The following ASIC5 variants were observed in gnomAD, a reference collection of about 807,000 sequenced individuals.
ASIC5 encodes the protein acid sensing ion channel subunit family member 5, also known as bile acid-sensitive ion channel.
ASIC5 carries 52 observed loss-of-function variants against 51.2 expected under a neutral mutation model. That is an observed-to-expected ratio of 1.02 (90% confidence interval 0.81 to 1.28). ASIC5 has a LOEUF of 1.28. Among genes scored for constraint, ASIC5 ranks in the 50% most tolerant of loss-of-function variants. The pLI, the probability that ASIC5 is intolerant of heterozygous loss-of-function variation, is 0.00. For missense variants in ASIC5, 635 were observed against 595.0 expected, an observed-to-expected ratio of 1.07 and a Z score of -0.70; for synonymous variants, 231 against 200.7, an observed-to-expected ratio of 1.15 and a Z score of -1.28.
At chr4:155,864,750 A>C (rs1741817960) in intron 1 of ASIC5, 1 of 152,194 alleles carries the variant, frequency 6.6e-6, no homozygotes, top group Admixed American at 6.6e-5. Context: ...CACATTATCT[A>C]GATCATAATA....
At chr4:155,831,006 C>T (rs1200088536) in intron 9 of ASIC5, among the ~76,000 whole-genome samples, 1 of 152,174 alleles carries the variant, frequency 6.6e-6, no homozygotes, top group Non-Finnish European at 1.5e-5. Flanking sequence ...TCACTTTTGC[C>T]TGAGTCTAAG....
In ASIC5 at chr4:155,842,208, A is replaced by G; in HGVS notation, c.1008T>C (p.Pro336=). 1 of 1,613,156 alleles carries G rather than the reference A, an allele frequency of 6.2e-7. No individual in the cohort carries two copies. The highest frequency in any genetic ancestry group is 8.5e-7 in the Non-Finnish European group (1 of 1,179,412). The change falls in exon 6 of 10, where the codon CCT becomes CCC. Residue 336 remains proline (P), a splice_region_variant and synonymous_variant. Transcript: ENST00000537611. ...KQCGCVPFLL[P]GYGIECDLQK... The stretch of plus-strand genomic sequence containing the variant: ...AGGGGGCAGTTAGTCTTTATTTACC[A>G]GGAAGAAGAAAAGGCACACATCCAC...
chr4:155,832,341 T>A (rs565501335), intron 8 of ASIC5, among the ~76,000 whole-genome samples: 1 of 152,300 alleles, frequency 6.6e-6, no homozygotes, highest in South Asian at 2.1e-4. Flanking sequence ...AGAGTTGCAG[T>A]GAGGCAAAAT....
At chr4:155,835,412 GAAAAA>G (rs11304781) in intron 8 of ASIC5, among the ~76,000 whole-genome samples, 1 of 139,144 alleles carries the variant, frequency 7.2e-6, no homozygotes, top group Non-Finnish European at 1.6e-5. Context: ...CTGAGTTTTG[GAAAAA>G]AAAAAAAAAA....
chr4:155,852,388 C>CA, intron 3 of ASIC5, 72 bp from the exon 4 acceptor site: 2 of 1,399,660 alleles, frequency 1.4e-6, no homozygotes, highest in Non-Finnish European at 1.9e-6. Flanking sequence ...TTGCCATAAC[C>CA]TTTTTTTTTA....
At chr4:155,844,884 C>T (rs1000986268) in intron 4 of ASIC5, among the ~76,000 whole-genome samples, 1 of 151,882 alleles carries the variant, frequency 6.6e-6, no homozygotes, top group Admixed American at 6.6e-5. Flanking sequence ...AGGAGCCAAC[C>T]CCTGCTGCAT....
At chr4:155,859,219 A>T (rs1741629511) in intron 2 of ASIC5, among the ~76,000 whole-genome samples, 1 of 152,228 alleles carries the variant, frequency 6.6e-6, no homozygotes, top group African/African-American at 2.4e-5. Flanking sequence ...AACAGATTTT[A>T]AAAACTTTAA....
intron 8 of ASIC5, among the ~76,000 whole-genome samples, chr4:155,833,021 A>G (rs1370925563): frequency 6.6e-6 from 1 of 152,202 alleles, no homozygotes; most frequent in Non-Finnish European, 1.5e-5. Context: ...ACTTAATGCC[A>G]TCTGACATGA....
In ASIC5 at chr4:155,840,837, A is replaced by G. The variant is rs926758147; in HGVS notation, c.1009+1370T>C. Among the ~76,000 whole-genome samples the G allele has an allele frequency of 2.0e-5, 3 of 152,206 alleles. No homozygotes were observed. The East Asian group carries it at 5.8e-4, about 29-fold the overall frequency. On this transcript the variant is annotated intron_variant, in intron 6 of 9. Coordinates refer to ENST00000537611, the MANE Select transcript of ASIC5 (RefSeq NM_017419.3). ...TGATAACATTACTATTGTAAAAGCT[A>G]AGATCAGTGCTTGAGATATGTTGCA...
In ASIC5 at chr4:155,835,805, G is replaced by A. The variant is rs150849134; in HGVS notation, c.1235+884C>T. On this transcript the variant is annotated intron_variant, in intron 8 of 9. Coordinates refer to ENST00000537611, the MANE Select transcript of ASIC5 (RefSeq NM_017419.3). ...TTTTTCTTTCTGTAAAGATCACTTT[G>A]TTACCTCAGCGTTTACATGGGAATT... Among the ~76,000 whole-genome samples, 503 of 152,166 alleles carry A rather than the reference G, an allele frequency of 3.3e-3. 1 individual carries two copies. The highest frequency in any genetic ancestry group is 3.5e-3 in the Non-Finnish European group (238 of 67,998).
intron 4 of ASIC5, among the ~76,000 whole-genome samples, chr4:155,845,031 A>G (rs1353314160): frequency 6.6e-6 from 1 of 152,030 alleles, no homozygotes; most frequent in Non-Finnish European, 1.5e-5. Flanking sequence ...GGTCAAATCC[A>G]AAGGGGAACT....
intron 4 of ASIC5, among the ~76,000 whole-genome samples, chr4:155,849,252 C>T (rs966640936): frequency 3.3e-5 from 5 of 152,004 alleles, no homozygotes; most frequent in African/African-American, 1.2e-4. Flanking sequence ...CACTTTCTGA[C>T]AGGCCCAGAA....
intron 8 of ASIC5, among the ~76,000 whole-genome samples, chr4:155,835,437 A>C (rs906474552): frequency 2.6e-5 from 4 of 151,778 alleles, no homozygotes; most frequent in East Asian, 1.9e-4. Flanking sequence ...AGAAAAAAAA[A>C]CAGCATTCCC....
In ASIC5 at chr4:155,854,031, C is replaced by T. The variant is rs370387340; in HGVS notation, c.585+46G>A. ...AGCTCAATGTGAAACAGTGCAGTAA[C>T]GGAACTTATTACTTTGATTATATTT... On this transcript the variant is annotated intron_variant, in intron 3 of 9. Coordinates refer to ENST00000537611, the MANE Select transcript of ASIC5 (RefSeq NM_017419.3). 86 of 1,412,498 alleles carry T rather than the reference C, an allele frequency of 6.1e-5. 1 individual carries two copies. The highest frequency in any genetic ancestry group is 1.3e-4 in the African/African-American group (9 of 70,070). 87.5% of individuals were successfully genotyped at this position (1,412,498 alleles called of 1,614,324 possible).
chr4:155,837,876 T>C (rs1741023215), intron 7 of ASIC5, among the ~76,000 whole-genome samples: 1 of 151,962 alleles, frequency 6.6e-6, no homozygotes, highest in African/African-American at 2.4e-5. Context: ...CTGACCTCCT[T>C]ATCCCACAAC....
At chr4:155,841,661 T>A (rs2111237232) in intron 6 of ASIC5, among the ~76,000 whole-genome samples, 1 of 152,328 alleles carries the variant, frequency 6.6e-6, no homozygotes, top group African/African-American at 2.4e-5. Flanking sequence ...TCAGGCTTGG[T>A]AAGACATATC....
intron 2 of ASIC5, among the ~76,000 whole-genome samples, chr4:155,858,478 A>G (rs1741604349): frequency 6.6e-6 from 1 of 152,132 alleles, no homozygotes; most frequent in African/African-American, 2.4e-5. Flanking sequence ...AAATGGAAAT[A>G]CAATGCTATT....
At chr4:155,853,599 CTAGTTA>C (rs1261854038) in intron 3 of ASIC5, among the ~76,000 whole-genome samples, 529 of 2,822 alleles carry the variant, frequency 0.19, 23 homozygotes, top group East Asian at 0.5. Flanking sequence ...ATAATATATA[CTAGTTA>C]TTATATATAA....
chr4:155,830,001 A>G lies in ASIC5; in HGVS notation c.1373T>C (p.Ile458Thr). ...ATATTCAATAATTTCTATGATCGTG[A>G]TCAGACTGGCCCCACAAAATAGACC... ...QLGLFCGASLITIIEIIEYLF... is the reference protein window; with the variant it reads ...QLGLFCGASLTTIIEIIEYLF... Residue 458 changes from isoleucine (I) to threonine (T), a missense_variant, in exon 10 of 10, where the codon ATC (isoleucine) becomes ACC (threonine). Physicochemically the swap from Ile to Thr is moderately conservative, Grantham distance 89. Transcript: ENST00000537611. The G allele has an allele frequency of 2.5e-6, 4 of 1,594,696 alleles. No homozygotes were observed. The highest frequency in any genetic ancestry group is 3.4e-6 in the Non-Finnish European group (4 of 1,170,154).
Sources: allele counts gnomAD v4.1 joint callset (sites outside exome capture counted in the v4.1 genomes callset), GRCh38; gene constraint gnomAD v4.1.1; transcripts MANE v1.5; gene names NCBI Gene and HGNC (gene_info 2026-07-23, HGNC 2026-07-21).